Variants in TCF12 observed in about 807,000 individuals in gnomAD.
The protein encoded by TCF12 is transcription factor 12, also known as DNA-binding protein HTF4.
A neutral mutation model predicts 86.0 loss-of-function variants in TCF12; 45 were observed. The ratio of observed to expected loss-of-function variants is 0.52; its 90% confidence interval spans 0.41 to 0.67. TCF12 has a LOEUF of 0.67. Ranked by LOEUF, TCF12 falls within the 30% of genes least tolerant of loss-of-function variation. TCF12 has a pLI of 0.00. For synonymous variants in TCF12, 330 were observed against 299.6 expected, an observed-to-expected ratio of 1.10 and a Z score of -1.05; for missense variants, 881 against 859.9, an observed-to-expected ratio of 1.02 and a Z score of -0.31.
intron 15 of TCF12, 113 bp downstream of exon 15, chr15:57,252,605 G>C: frequency 1.2e-6 from 1 of 851,606 alleles, no homozygotes; most frequent in East Asian, 2.7e-5. Context: ...TCAAACAGTT[G>C]ACTGTTTCAG....
intron 14 of TCF12, 170 bp from the exon 15 acceptor site, chr15:57,252,251 C>A (rs887663110): frequency 1.9e-6 from 1 of 536,302 alleles, no homozygotes; most frequent in Admixed American, 3.5e-5. Flanking sequence ...AACCTTGTAA[C>A]TTCCCTGTTG....
intron 3 of TCF12, among the ~76,000 whole-genome samples, chr15:56,967,028 A>G (rs1260168968): frequency 6.6e-6 from 1 of 152,160 alleles, no homozygotes; most frequent in Non-Finnish European, 1.5e-5. Context: ...AGGCTGAGAC[A>G]TGAGAATCGC....
At position 57,285,582 on chromosome 15, in the gene TCF12, G is replaced by A. The variant is rs2061898265; in HGVS notation, c.*12-575G>A. Reference sequence around the variant, plus strand: ...AATAAATGTAAACTATTAACACTGTGGTTGAGTGGAGGCAGCAGCAAATTG... The same window carrying A: ...AATAAATGTAAACTATTAACACTGTAGTTGAGTGGAGGCAGCAGCAAATTG... On this transcript the variant is annotated intron_variant, in intron 20 of 20. Transcript: ENST00000333725. 2.0e-5 allele frequency among the ~76,000 whole-genome samples: 3 copies of A among 152,150 alleles called. No homozygotes were observed. The South Asian group carries it at 6.2e-4, about 32-fold the overall frequency.
intron 3 of TCF12, among the ~76,000 whole-genome samples, chr15:56,984,682 T>TA (rs35111610): frequency 1.3e-5 from 2 of 152,166 alleles, no homozygotes; most frequent in Admixed American, 1.3e-4. Context: ...CCTTGCCTGT[T>TA]AAAAAATGTG....
rs2059767891 is a variant in TCF12, at chr15:56,921,017, A to T, written c.76-9A>T. 1 of 1,588,772 alleles carries T rather than the reference A, an allele frequency of 6.3e-7. No individual in the cohort carries two copies. Among genetic ancestry groups the T allele is most frequent in the South Asian group, 1.2e-5 (1 of 86,004 alleles). The stretch of plus-strand genomic sequence containing the variant: ...CAGGACTAACAGATATATTTGGGTT[A>T]TTTTGCAGATGTTTTCCCCACCTGT... On this transcript the variant is annotated splice_polypyrimidine_tract_variant and intron_variant, in intron 2 of 20. Transcript: ENST00000333725.
chr15:57,198,833 TG>T (rs1172103283), intron 8 of TCF12, among the ~76,000 whole-genome samples: 1 of 152,214 alleles, frequency 6.6e-6, no homozygotes, highest in African/African-American at 2.4e-5. Context: ...ATATCCGGCT[TG>T]GCAAGTAGTA....
At chr15:57,222,776 T>G (rs1361466472) in intron 8 of TCF12, among the ~76,000 whole-genome samples, 2 of 134,350 alleles carry the variant, frequency 1.5e-5, no homozygotes, top group South Asian at 4.9e-4. Context: ...TTTTTTTTTT[T>G]TTTTTTTTTT....
intron 5 of TCF12, among the ~76,000 whole-genome samples, chr15:57,152,295 A>C (rs1412622397): frequency 6.6e-6 from 1 of 152,326 alleles, no homozygotes; most frequent in Non-Finnish European, 1.5e-5. Flanking sequence ...CAAAACAAAT[A>C]CTTTCAAGAG....
intron 8 of TCF12, among the ~76,000 whole-genome samples, chr15:57,225,303 G>A (rs1301769443): frequency 6.3e-5 from 8 of 126,780 alleles, no homozygotes; most frequent in African/African-American, 2.1e-4. Context: ...GCAATGGTGT[G>A]ATCTCAGCTC....
intron 3 of TCF12, among the ~76,000 whole-genome samples, chr15:56,965,722 G>A (rs772901492): frequency 6.6e-6 from 1 of 151,914 alleles, no homozygotes; most frequent in African/African-American, 2.4e-5. Context: ...GGGTTTTTTG[G>A]GTCTGATAAA....
At chr15:57,283,022 C>T (rs2061766137) in intron 20 of TCF12, among the ~76,000 whole-genome samples, 1 of 152,136 alleles carries the variant, frequency 6.6e-6, no homozygotes, top group Non-Finnish European at 1.5e-5. Flanking sequence ...GTCATGAAGC[C>T]TTTATACATG....
At chr15:57,227,153 A>G (rs2733317) in intron 8 of TCF12, among the ~76,000 whole-genome samples, 11,369 of 152,204 alleles carry the variant, frequency 0.075, 1,245 homozygotes, top group African/African-American at 0.24. Flanking sequence ...TAATCACACC[A>G]TGCTTTAACT....
At chr15:57,088,126 G>A (rs1252041968) in intron 4 of TCF12, among the ~76,000 whole-genome samples, 1 of 152,026 alleles carries the variant, frequency 6.6e-6, no homozygotes, top group Non-Finnish European at 1.5e-5. Context: ...GATCCACTCG[G>A]GCTCCAACTT....
intron 3 of TCF12, among the ~76,000 whole-genome samples, chr15:57,029,379 T>A (rs1363376714): frequency 6.6e-6 from 1 of 152,232 alleles, no homozygotes; most frequent in South Asian, 2.1e-4. Flanking sequence ...TTAAAAATTA[T>A]GTTGCCTATT....
At chr15:56,969,655 G>A (rs1031184888) in intron 3 of TCF12, among the ~76,000 whole-genome samples, 4 of 150,638 alleles carry the variant, frequency 2.7e-5, no homozygotes, top group African/African-American at 7.3e-5. Context: ...CTCCCACCTC[G>A]GCCTCTAGAA....
intron 5 of TCF12, among the ~76,000 whole-genome samples, chr15:57,161,161 T>G (rs976869801): frequency 5.3e-5 from 8 of 152,216 alleles, no homozygotes; most frequent in African/African-American, 1.9e-4. Flanking sequence ...ACTCCCACCT[T>G]CACTGTGACT....
intron 20 of TCF12, among the ~76,000 whole-genome samples, chr15:57,285,924 T>C (rs1324258865): frequency 6.6e-6 from 1 of 152,152 alleles, no homozygotes; most frequent in African/African-American, 2.4e-5. Context: ...CAAGACACTG[T>C]CTGAAAAGAA....
intron 5 of TCF12, among the ~76,000 whole-genome samples, chr15:57,101,480 G>GA (rs1467325239): frequency 6.6e-6 from 1 of 152,192 alleles, no homozygotes; most frequent in Non-Finnish European, 1.5e-5. Context: ...AAAGTGCTAC[G>GA]ATTACAAGCG....
chr15:57,239,351 C>CA (rs2059510964), intron 12 of TCF12, among the ~76,000 whole-genome samples: 1 of 151,022 alleles, frequency 6.6e-6, no homozygotes, highest in African/African-American at 2.4e-5. Context: ...AAGTCCATCT[C>CA]AAAAAAACAA....
Sources: allele counts gnomAD v4.1 joint callset (sites outside exome capture counted in the v4.1 genomes callset), GRCh38; gene constraint gnomAD v4.1.1; transcripts MANE v1.5; gene names NCBI Gene and HGNC (gene_info 2026-07-23, HGNC 2026-07-21).